CCDC7: variants seen among roughly 807,000 people sequenced by gnomAD.
CCDC7 encodes coiled-coil domain-containing protein 7.
CCDC7 carries 183 observed loss-of-function variants against 196.9 expected under a neutral mutation model. That is an observed-to-expected ratio of 0.93 (90% CI 0.82 to 1.05). The LOEUF (loss-of-function observed/expected upper bound fraction) is 1.05. CCDC7 is among the 50% of genes least tolerant of loss of function. The pLI is 0.00. For missense variants in CCDC7, 1,540 were observed against 1,482.2 expected (o/e 1.04, Z -0.64); for synonymous variants, 525 against 484.6 (o/e 1.08, Z -1.10).
intron 21 of CCDC7, among the ~76,000 whole-genome samples, chr10:32,676,716 A>G (rs1285905590): frequency 6.6e-6 from 1 of 151,956 alleles, no homozygotes; most frequent in Non-Finnish European, 1.5e-5. Flanking sequence ...AAAGTCAGGA[A>G]ACAACAGGTG....
chr10:32,592,072 T>C (rs564291018), intron 18 of CCDC7, among the ~76,000 whole-genome samples: 133 of 152,380 alleles, frequency 8.7e-4, no homozygotes, highest in African/African-American at 3.1e-3. Flanking sequence ...TTTCTATTCA[T>C]GATTTAGTCT....
chr10:32,665,919 T>C (rs12256909), intron 21 of CCDC7, among the ~76,000 whole-genome samples: 17,269 of 151,972 alleles, frequency 0.11, 1,170 homozygotes, highest in South Asian at 0.27. Flanking sequence ...TTTTCCTCCT[T>C]GTTTAAATTT....
At chr10:32,852,901 C>T (rs1418539) in intron 40 of CCDC7, among the ~76,000 whole-genome samples, 8,704 of 152,070 alleles carry the variant, frequency 0.057, 803 homozygotes, top group African/African-American at 0.2. Flanking sequence ...TTATATATGA[C>T]AAAAGAGGAA....
At chr10:32,591,806 A>G (rs2059806451) in intron 18 of CCDC7, among the ~76,000 whole-genome samples, 1 of 152,308 alleles carries the variant, frequency 6.6e-6, no homozygotes, top group East Asian at 1.9e-4. Flanking sequence ...TTCACCCTTC[A>G]GGGCAGCGGG....
At chr10:32,535,939 A>T (rs1385874482) in intron 11 of CCDC7, among the ~76,000 whole-genome samples, 3 of 152,104 alleles carry the variant, frequency 2.0e-5, no homozygotes, top group Admixed American at 6.5e-5. Flanking sequence ...GTCAGGTTGG[A>T]TAGTAAGCAA....
chr10:32,571,758 G>C (rs2057590443), intron 15 of CCDC7, 101 bp from the exon 17 acceptor site: 1 of 1,105,660 alleles, frequency 9.0e-7, no homozygotes, highest in Non-Finnish European at 1.2e-6. Context: ...TTACGAAATT[G>C]TCATATTAAA....
chr10:32,804,643 C>T (rs1224172915), intron 29 of CCDC7, among the ~76,000 whole-genome samples: 1 of 151,982 alleles, frequency 6.6e-6, no homozygotes, highest in East Asian at 1.9e-4. Flanking sequence ...GAATGTGATT[C>T]AATATAAACT....
At chr10:32,702,942 A>T (rs1469355880) in intron 24 of CCDC7, among the ~76,000 whole-genome samples, 1 of 152,178 alleles carries the variant, frequency 6.6e-6, no homozygotes, top group Non-Finnish European at 1.5e-5. Context: ...TGAATACAGC[A>T]CACTGATGGG....
downstream of CCDC7, chr10:32,876,593 G>A (rs2094602316): frequency 2.4e-6 from 1 of 410,180 alleles, no homozygotes; most frequent in African/African-American, 2.1e-5. Flanking sequence ...GAGTTTGAAA[G>A]TTTCAAATTA....
chr10:32,459,855 C>A (rs1436883434), intron 3 of CCDC7, among the ~76,000 whole-genome samples: 5 of 151,966 alleles, frequency 3.3e-5, no homozygotes, highest in Middle Eastern at 6.8e-3. Flanking sequence ...GCAGCTATAT[C>A]AATTATGATT....
chr10:32,842,150 A>G (rs1283928931), intron 33 of CCDC7, among the ~76,000 whole-genome samples: 1 of 152,146 alleles, frequency 6.6e-6, no homozygotes, highest in African/African-American at 2.4e-5. Flanking sequence ...AATTATCAGC[A>G]GAGTTAACAG....
intron 13 of CCDC7, among the ~76,000 whole-genome samples, chr10:32,556,274 T>C (rs1448429915): frequency 3.3e-5 from 5 of 152,196 alleles, no homozygotes; most frequent in Admixed American, 3.3e-4. Flanking sequence ...TAGACTAGGC[T>C]GCTATAAAAA....
intron 18 of CCDC7, among the ~76,000 whole-genome samples, chr10:32,618,736 A>G (rs1336888954): frequency 6.6e-6 from 1 of 151,826 alleles, no homozygotes; most frequent in Admixed American, 6.6e-5. Context: ...TCTTTCACTG[A>G]CTGTAGACAT....
At chr10:32,767,724 G>T (rs888400285) in intron 28 of CCDC7, among the ~76,000 whole-genome samples, 1 of 152,010 alleles carries the variant, frequency 6.6e-6, no homozygotes, top group Non-Finnish European at 1.5e-5. Context: ...ATGTCCACAG[G>T]CATCAAGAAT....
intron 28 of CCDC7, among the ~76,000 whole-genome samples, chr10:32,748,189 C>A (rs2075112497): frequency 2.0e-5 from 3 of 152,012 alleles, no homozygotes; most frequent in Admixed American, 1.3e-4. Flanking sequence ...AAGAAGGGAA[C>A]AATAGACACT....
chr10:32,593,924 C>A (rs1456614519), intron 18 of CCDC7, among the ~76,000 whole-genome samples: 2 of 152,138 alleles, frequency 1.3e-5, no homozygotes, highest in African/African-American at 4.8e-5. Context: ...CTTTTGGTAC[C>A]TGTACCATGC....
chr10:32,866,985 T>G (rs1207888461), intron 41 of CCDC7, among the ~76,000 whole-genome samples: 2 of 151,568 alleles, frequency 1.3e-5, no homozygotes, highest in African/African-American at 4.8e-5. Context: ...AAAGTAACCA[T>G]GAGAAAACTT....
intron 9 of CCDC7, chr10:32,499,153 A>G (rs999274753): frequency 6.6e-6 from 1 of 151,742 alleles, no homozygotes; most frequent in Non-Finnish European, 1.5e-5. Context: ...ATGAAGACAA[A>G]AGAAACATAA....
intron 9 of CCDC7, among the ~76,000 whole-genome samples, chr10:32,507,895 A>G (rs1347275284): frequency 6.6e-6 from 1 of 152,226 alleles, no homozygotes; most frequent in Non-Finnish European, 1.5e-5. Context: ...AAAAGGCCAT[A>G]TTAGCCTACA....
Sources: gnomAD v4.1 joint callset for allele counts (sites outside exome capture counted in the v4.1 genomes callset) on GRCh38, gnomAD v4.1.1 for gene constraint, MANE v1.5 for transcripts, NCBI Gene and HGNC (gene_info 2026-07-23, HGNC 2026-07-21) for gene names.